The following CYSTM1 variants were observed in gnomAD, a reference collection of about 807,000 sequenced individuals.
CYSTM1 encodes cysteine rich transmembrane module containing 1, also known as cysteine-rich transmembrane module-containing protein 1.
In CYSTM1, 4 loss-of-function variants were observed where a neutral mutation model predicts 13.1. That is an observed-to-expected ratio of 0.31 (90% confidence interval 0.15 to 0.70). The LOEUF is 0.70. Among genes scored for constraint, CYSTM1 ranks in the 30% least tolerant of loss-of-function variants. The probability of loss-of-function intolerance (pLI) is 0.72; values close to 1 mark genes in which losing one functional copy is unlikely to be tolerated. For missense variants in CYSTM1, 96 were observed against 121.6 expected (o/e 0.79, Z 0.99); for synonymous variants, 36 against 42.7 (o/e 0.84, Z 0.62).
chr5:140,196,859 T>C (rs925014518), intron 2 of CYSTM1, among the ~76,000 whole-genome samples: 2 of 152,106 alleles, frequency 1.3e-5, no homozygotes, highest in African/African-American at 4.8e-5. Context: ...GGCTGTGGAG[T>C]TGGGAAACTA....
At chr5:140,211,154 A>T (rs1764361836) in intron 2 of CYSTM1, among the ~76,000 whole-genome samples, 1 of 152,246 alleles carries the variant, frequency 6.6e-6, no homozygotes, top group African/African-American at 2.4e-5. Flanking sequence ...TTTGTCTAGT[A>T]GTTATTATGT....
At chr5:140,231,253 A>G (rs546037669) in intron 2 of CYSTM1, among the ~76,000 whole-genome samples, 7 of 152,366 alleles carry the variant, frequency 4.6e-5, no homozygotes, top group South Asian at 4.1e-4. Flanking sequence ...TTAAAATGTT[A>G]CATTTATTAC....
intron 2 of CYSTM1, among the ~76,000 whole-genome samples, chr5:140,213,469 A>G (rs1431407850): frequency 1.3e-5 from 2 of 152,166 alleles, no homozygotes; most frequent in African/African-American, 2.4e-5. Context: ...TAAATTTAGT[A>G]TAGCCTAAGT....
chr5:140,209,000 C>A (rs78996925), intron 2 of CYSTM1, among the ~76,000 whole-genome samples: 3 of 149,814 alleles, frequency 2.0e-5, no homozygotes, highest in Non-Finnish European at 4.4e-5. Flanking sequence ...GATCACGCCA[C>A]TGCACTCCAG....
chr5:140,218,758 A>G (rs1278618942), intron 2 of CYSTM1, among the ~76,000 whole-genome samples: 1 of 152,232 alleles, frequency 6.6e-6, no homozygotes, highest in African/African-American at 2.4e-5. Flanking sequence ...CAAGTGTGCT[A>G]TATACGGGGC....
intron 2 of CYSTM1, chr5:140,202,692 C>T (rs976912193): frequency 6.6e-6 from 1 of 152,218 alleles, no homozygotes; most frequent in Non-Finnish European, 1.5e-5. Context: ...GATTGACTTA[C>T]ACTTGCAATA....
chr5:140,226,278 T>TAA (rs1384037778), intron 2 of CYSTM1, among the ~76,000 whole-genome samples: 1 of 151,524 alleles, frequency 6.6e-6, no homozygotes, highest in African/African-American at 2.4e-5. Context: ...TGTCCAAGGT[T>TAA]ACATGGCCAG....
At chr5:140,235,773 G>A (rs576358845) in intron 2 of CYSTM1, among the ~76,000 whole-genome samples, 55 of 152,238 alleles carry the variant, frequency 3.6e-4, no homozygotes, top group African/African-American at 1.3e-3. Flanking sequence ...CCCTTCCTAC[G>A]CTTTGATCTT....
At chr5:140,202,776 TGGGA>T (rs993283142) in intron 2 of CYSTM1, 2 of 152,310 alleles carry the variant, frequency 1.3e-5, no homozygotes, top group African/African-American at 4.8e-5. Flanking sequence ...GTCCAACTGC[TGGGA>T]GGGGTCAGGA....
rs1286525345 is a variant in CYSTM1, at chr5:140,175,404, G to C, written c.-21+119G>C. 6.6e-6 allele frequency: 1 copy of C among 152,360 alleles called. No individual in the cohort carries two copies. The highest frequency in any genetic ancestry group is 2.4e-5 in the African/African-American group (1 of 41,460). 9.4% of individuals were successfully genotyped at this position (152,360 alleles called of 1,614,324 possible). ...TGAGAACTGGGGGGCACCCGGGCTG[G>C]CCTGGCTCAGGCAGGGGTTCGCGCA... On this transcript the variant is annotated intron_variant, in intron 1 of 2. Transcript: ENST00000261811. The surrounding 1 kb of genome is among the most constrained non-coding windows in gnomAD (Gnocchi z 4.9).
intron 2 of CYSTM1, among the ~76,000 whole-genome samples, chr5:140,217,833 ATTCATTTAGT>A (rs1437261900): frequency 6.6e-6 from 1 of 152,136 alleles, no homozygotes; most frequent in Non-Finnish European, 1.5e-5. Context: ...CCATCCACTC[ATTCATTTAGT>A]GTGCCAGGCC....
At chr5:140,180,275 G>A (rs543644778) in intron 1 of CYSTM1, among the ~76,000 whole-genome samples, 1 of 152,256 alleles carries the variant, frequency 6.6e-6, no homozygotes, top group South Asian at 2.1e-4. Flanking sequence ...GCTTGCTGAT[G>A]TGCCCAGGGA....
At chr5:140,194,169 A>G (rs1350335964) in intron 1 of CYSTM1, among the ~76,000 whole-genome samples, 1 of 152,258 alleles carries the variant, frequency 6.6e-6, no homozygotes, top group African/African-American at 2.4e-5. Flanking sequence ...GGCACTCTGC[A>G]GTGCTCTAGG....
chr5:140,191,973 C>A (rs1181019287), intron 1 of CYSTM1, among the ~76,000 whole-genome samples: 1 of 152,070 alleles, frequency 6.6e-6, no homozygotes, highest in Non-Finnish European at 1.5e-5. Context: ...CATTAGGGTT[C>A]CTAGGTCAGG....
chr5:140,206,159 AG>A (rs1764296087), intron 2 of CYSTM1, among the ~76,000 whole-genome samples: 1 of 151,966 alleles, frequency 6.6e-6, no homozygotes, highest in Non-Finnish European at 1.5e-5. Flanking sequence ...AGACATCCAC[AG>A]CTTACAGTCT....
intron 2 of CYSTM1, among the ~76,000 whole-genome samples, chr5:140,238,425 A>ATTCT (rs1253004229): frequency 2.0e-4 from 31 of 152,200 alleles, no homozygotes; most frequent in East Asian, 1.9e-3. Flanking sequence ...GAAGGACAGA[A>ATTCT]GCTGGGCTGG....
At chr5:140,207,316 C>T (rs962614812) in intron 2 of CYSTM1, among the ~76,000 whole-genome samples, 2 of 152,194 alleles carry the variant, frequency 1.3e-5, no homozygotes, top group Admixed American at 6.5e-5. Flanking sequence ...TCAGCTATCT[C>T]GAGGGCTTCC....
chr5:140,180,830 G>C (rs1763953065), intron 1 of CYSTM1, among the ~76,000 whole-genome samples: 1 of 152,038 alleles, frequency 6.6e-6, no homozygotes, highest in Non-Finnish European at 1.5e-5. Flanking sequence ...ATGGTTTAAG[G>C]GAGAATATTG....
chr5:140,210,834 C>A (rs1445049487), intron 2 of CYSTM1, among the ~76,000 whole-genome samples: 1 of 152,090 alleles, frequency 6.6e-6, no homozygotes, highest in African/African-American at 2.4e-5. Flanking sequence ...TTAAGTGAGC[C>A]ATTGCTTTTG....
Sources: allele counts gnomAD v4.1 joint callset (sites outside exome capture counted in the v4.1 genomes callset), GRCh38; gene constraint gnomAD v4.1.1; non-coding constraint Gnocchi (gnomAD v3.1); transcripts MANE v1.5; gene names NCBI Gene and HGNC (gene_info 2026-07-23, HGNC 2026-07-21).